Variants in OCLN observed in about 807,000 individuals in gnomAD.
OCLN encodes the protein occludin.
A neutral mutation model predicts 47.9 loss-of-function variants in OCLN; 21 were observed. The ratio of observed to expected loss-of-function variants is 0.44; its 90% CI spans 0.31 to 0.63. The LOEUF is 0.63. Among genes scored for constraint, OCLN ranks in the 30% least tolerant of loss-of-function variants. The pLI is 0.08. For synonymous variants in OCLN, 117 were observed against 198.4 expected (o/e 0.59, Z 3.45); for missense variants, 360 against 571.0 (o/e 0.63, Z 3.77).
At chr5:69,537,917 C>T (rs1769633951) in intron 5 of OCLN, among the ~76,000 whole-genome samples, 1 of 115,990 alleles carries the variant, frequency 8.6e-6, no homozygotes, top group Non-Finnish European at 1.7e-5. Context: ...ACACCCAGAG[C>T]TGTCATCTTC....
At chr5:69,529,003 T>C (rs921938297) in intron 4 of OCLN, among the ~76,000 whole-genome samples, 1 of 152,238 alleles carries the variant, frequency 6.6e-6, no homozygotes, top group South Asian at 2.1e-4. Context: ...AAATGAAATA[T>C]GAAATTGATC....
chr5:69,513,611 C>T (rs1177889235), intron 3 of OCLN, among the ~76,000 whole-genome samples: 1 of 152,180 alleles, frequency 6.6e-6, no homozygotes, highest in Non-Finnish European at 1.5e-5. Flanking sequence ...CTCGTAGGTG[C>T]ACAAAGCTTG....
intron 1 of OCLN, among the ~76,000 whole-genome samples, chr5:69,503,710 G>A (rs987020228): frequency 2.0e-5 from 3 of 152,018 alleles, no homozygotes; most frequent in Admixed American, 6.6e-5. Context: ...GCTCAGTTTC[G>A]AAGACTTGGA....
In OCLN at chr5:69,536,325, C is replaced by A. The variant is rs1580588169; in HGVS notation, c.1037+1486C>A. Among the ~76,000 whole-genome samples, 13 of 145,320 alleles carry A rather than the reference C, an allele frequency of 8.9e-5. No individual in the cohort carries two copies. In the South Asian group the frequency reaches 2.8e-3, roughly 32 times the overall value. On this transcript the variant is annotated intron_variant, in intron 5 of 8. Coordinates refer to ENST00000396442, the MANE Select transcript of OCLN (RefSeq NM_001205254.2). Reference sequence around the variant, plus strand: ...CATTTTTCTTTCTTCTATAATAAATCTTAGCTTTCTATAACTTTAATTTTT... The same window carrying A: ...CATTTTTCTTTCTTCTATAATAAATATTAGCTTTCTATAACTTTAATTTTT...
At chr5:69,515,641 C>T (rs1290205041) in intron 4 of OCLN, among the ~76,000 whole-genome samples, 1 of 151,410 alleles carries the variant, frequency 6.6e-6, no homozygotes, top group Non-Finnish European at 1.5e-5. Flanking sequence ...GGGGCTGACC[C>T]CCCCACCTCC....
chr5:69,547,311 C>G (rs1320431445), intron 6 of OCLN, among the ~76,000 whole-genome samples: 1 of 135,418 alleles, frequency 7.4e-6, no homozygotes, highest in Non-Finnish European at 1.6e-5. Context: ...GTGGCTCACT[C>G]CTGTAATCCC....
Position 69,520,533 on chromosome 5 carries a change from A to G in OCLN, c.891+6424A>G, listed in dbSNP as rs114091118. On this transcript the variant is annotated intron_variant, in intron 4 of 8. Transcript: ENST00000396442. ...CCAGGCTGGCCTCAAACTTCTGACTACGTGATCCTCTGCCTCCCAAAGTGC... is the reference window on the plus strand; with the variant it reads ...CCAGGCTGGCCTCAAACTTCTGACTGCGTGATCCTCTGCCTCCCAAAGTGC... 6.3e-3 allele frequency among the ~76,000 whole-genome samples: 940 copies of G among 148,956 alleles called. 12 individuals carry two copies. The highest frequency in any genetic ancestry group is 0.022 in the African/African-American group (894 of 40,402).
At chr5:69,502,767 C>T (rs1768495733) in intron 1 of OCLN, among the ~76,000 whole-genome samples, 3 of 152,160 alleles carry the variant, frequency 2.0e-5, no homozygotes, top group African/African-American at 7.2e-5. Flanking sequence ...TTTACCACAT[C>T]TTGCTGAGAC....
At chr5:69,525,509 T>C (rs188246438) in intron 4 of OCLN, among the ~76,000 whole-genome samples, 7 of 152,330 alleles carry the variant, frequency 4.6e-5, no homozygotes, top group Non-Finnish European at 8.8e-5. Context: ...CAGTCAAACG[T>C]GTAAAAGTGT....
At chr5:69,515,023 C>T (rs1768890847) in intron 4 of OCLN, among the ~76,000 whole-genome samples, 1 of 152,186 alleles carries the variant, frequency 6.6e-6, no homozygotes. Flanking sequence ...ATGGCCCTTT[C>T]TCAATGAGCT....
intron 5 of OCLN, among the ~76,000 whole-genome samples, chr5:69,537,225 T>G (rs1580589251): frequency 1.8e-5 from 1 of 54,756 alleles, no homozygotes; most frequent in Non-Finnish European, 3.9e-5. Flanking sequence ...AGAGACATGG[T>G]CTCAATCTGT....
chr5:69,513,316 C>T (rs1460886532), intron 3 of OCLN, among the ~76,000 whole-genome samples: 1 of 152,176 alleles, frequency 6.6e-6, no homozygotes, highest in African/African-American at 2.4e-5. Context: ...AGGGCCCTTT[C>T]TAGTAGTATG....
At chr5:69,513,388 A>G (rs1768838969) in intron 3 of OCLN, among the ~76,000 whole-genome samples, 1 of 152,258 alleles carries the variant, frequency 6.6e-6, no homozygotes, top group East Asian at 1.9e-4. Context: ...TTTGCTATTT[A>G]TAGCTTGATT....
chr5:69,516,365 C>T (rs954913119), intron 4 of OCLN, among the ~76,000 whole-genome samples: 9 of 152,146 alleles, frequency 5.9e-5, no homozygotes, highest in Non-Finnish European at 1.2e-4. Flanking sequence ...GGCGTGGTGG[C>T]GCGCGCCTGC....
In OCLN at chr5:69,509,200, CA is replaced by C. The variant is rs1768695735; in HGVS notation, c.112del (p.Met38CysfsTer27). ...TATGGTGGAGAGATGCATGTTCGAC[CA>C]ATGCTCTCTCAGCCAGCCTACTCTT... is the stretch of plus-strand genomic sequence containing the variant. ...DIYGGEMHVR[P>X]MLSQPAYSFY... On this transcript the variant is annotated frameshift_variant, in exon 3 of 9. Transcript: ENST00000396442. LOFTEE classifies it high-confidence loss of function. 1 of 1,614,004 alleles carries C rather than the reference CA, an allele frequency of 6.2e-7. No homozygotes were observed. The highest frequency in any genetic ancestry group is 1.7e-5 in the Admixed American group (1 of 60,010).
At chr5:69,500,316 G>C (rs1360459410) in intron 1 of OCLN, among the ~76,000 whole-genome samples, 1 of 151,898 alleles carries the variant, frequency 6.6e-6, no homozygotes, top group African/African-American at 2.4e-5. Flanking sequence ...TAATAAAGGA[G>C]AAAATAAAAT....
At chr5:69,549,827 T>C (rs1319728129) in intron 7 of OCLN, among the ~76,000 whole-genome samples, 1 of 151,712 alleles carries the variant, frequency 6.6e-6, no homozygotes. Context: ...CTTTATTTTG[T>C]AGCTCTAATT....
intron 1 of OCLN, among the ~76,000 whole-genome samples, chr5:69,503,099 TTATGTA>T (rs1414405638): frequency 6.6e-6 from 1 of 152,142 alleles, no homozygotes; most frequent in Non-Finnish European, 1.5e-5. Context: ...AAAGGAGGTT[TTATGTA>T]AAGCACCCAG....
chr5:69,514,480 C>CCA (rs1768873236), intron 4 of OCLN, among the ~76,000 whole-genome samples: 1 of 151,416 alleles, frequency 6.6e-6, no homozygotes, highest in African/African-American at 2.4e-5. Context: ...TCTCGTGGGT[C>CCA]AAGATTGGCA....
Sources: allele counts gnomAD v4.1 joint callset (sites outside exome capture counted in the v4.1 genomes callset), GRCh38; gene constraint gnomAD v4.1.1; transcripts MANE v1.5; gene names NCBI Gene and HGNC (gene_info 2026-07-23, HGNC 2026-07-21).